Variants in MAST4 observed in about 807,000 individuals in gnomAD.
MAST4 encodes microtubule-associated serine/threonine-protein kinase 4.
MAST4 carries 89 observed loss-of-function variants against 162.7 expected under a neutral mutation model. The observed-to-expected ratio is 0.55, with a 90% CI of 0.46 to 0.65. The LOEUF (loss-of-function observed/expected upper bound fraction) is 0.65. MAST4 is among the 30% of genes least tolerant of loss of function. MAST4 has a pLI of 0.00. For missense variants in MAST4, 3,153 were observed against 3,374.0 expected, an observed-to-expected ratio of 0.93 and a Z score of 1.62; for synonymous variants, 1,479 against 1,361.1, an observed-to-expected ratio of 1.09 and a Z score of -1.91.
At chr5:66,706,279 T>G (rs1271334978) in intron 1 of MAST4, among the ~76,000 whole-genome samples, 1 of 152,164 alleles carries the variant, frequency 6.6e-6, no homozygotes, top group Non-Finnish European at 1.5e-5. Flanking sequence ...AATCCATGCA[T>G]TTGATGATGG....
Position 66,892,205 on chromosome 5 carries a change from C to T in MAST4, c.643-7746C>T, listed in dbSNP as rs553024201. Among the ~76,000 whole-genome samples, 15 of 152,266 alleles carry T rather than the reference C, an allele frequency of 9.9e-5. No individual in the cohort carries two copies. The South Asian group carries it at 1.7e-3, about 17-fold the overall frequency. ...GTCATTAGTTTAATTGGAGCTTATC[C>T]TTGAGATTGAAGGTAGTATCAGTTC... On this transcript the variant is annotated intron_variant, in intron 3 of 28. Coordinates refer to ENST00000403625, the MANE Select transcript of MAST4 (RefSeq NM_001164664.2).
intron 3 of MAST4, among the ~76,000 whole-genome samples, chr5:66,844,139 C>CTGTGTGTGTGTGTGTGTG (rs59568297): frequency 9.6e-6 from 1 of 104,510 alleles, no homozygotes; most frequent in African/African-American, 4.0e-5. Context: ...CCCAGTCAGC[C>CTGTGTGTGTGTGTGTGTG]TGTGTGTGTG....
At chr5:66,915,512 T>A (rs1034940549) in intron 4 of MAST4, among the ~76,000 whole-genome samples, 9 of 152,168 alleles carry the variant, frequency 5.9e-5, no homozygotes, top group Non-Finnish European at 1.2e-4. Flanking sequence ...TGGAAGAAAA[T>A]TTTAGCATTT....
intron 4 of MAST4, among the ~76,000 whole-genome samples, chr5:67,035,512 A>G (rs1755901585): frequency 6.6e-6 from 1 of 152,132 alleles, no homozygotes; most frequent in South Asian, 2.1e-4. Context: ...TGCTTGATGT[A>G]ACCTTTATGA....
At chr5:66,636,325 C>T (rs556782021) in intron 1 of MAST4, among the ~76,000 whole-genome samples, 1 of 152,194 alleles carries the variant, frequency 6.6e-6, no homozygotes, top group African/African-American at 2.4e-5. Flanking sequence ...CAGTTCCTCC[C>T]CGCGGTTATT....
At chr5:66,994,167 G>A (rs1581134749) in intron 4 of MAST4, among the ~76,000 whole-genome samples, 2 of 152,098 alleles carry the variant, frequency 1.3e-5, no homozygotes, top group Non-Finnish European at 2.9e-5. Flanking sequence ...ATCTACACAA[G>A]AGATCGTGGA....
chr5:66,847,277 C>G (rs998222201), intron 3 of MAST4, among the ~76,000 whole-genome samples: 1 of 152,136 alleles, frequency 6.6e-6, no homozygotes, highest in African/African-American at 2.4e-5. Flanking sequence ...AATTTCTGTC[C>G]CATTACTGGG....
chr5:66,948,979 A>G (rs1211970697), intron 4 of MAST4, among the ~76,000 whole-genome samples: 4 of 152,140 alleles, frequency 2.6e-5, no homozygotes, highest in Non-Finnish European at 5.9e-5. Context: ...AAAACATTGC[A>G]TAAAGTCAGA....
chr5:67,004,523 T>C (rs1175093534), intron 4 of MAST4: 1 of 157,874 alleles, frequency 6.3e-6, no homozygotes, highest in African/African-American at 2.4e-5. Flanking sequence ...CATGTTCGGA[T>C]GTGAATGGTT....
At chr5:67,023,249 T>G (rs1006777877) in intron 4 of MAST4, among the ~76,000 whole-genome samples, 31 of 152,308 alleles carry the variant, frequency 2.0e-4, no homozygotes, top group African/African-American at 6.7e-4. Flanking sequence ...AGCTATGACT[T>G]CAGTTTCTGG....
At chr5:66,740,767 T>C (rs1752439211) in intron 1 of MAST4, among the ~76,000 whole-genome samples, 1 of 152,190 alleles carries the variant, frequency 6.6e-6, no homozygotes, top group African/African-American at 2.4e-5. Flanking sequence ...GCTGTTGGTC[T>C]GTGGCTGGGT....
At chr5:66,684,610 T>A (rs1057245292) in intron 1 of MAST4, among the ~76,000 whole-genome samples, 4 of 152,216 alleles carry the variant, frequency 2.6e-5, no homozygotes, top group Admixed American at 1.3e-4. Context: ...GTTGAAAACC[T>A]GCCTAAAGGG....
chr5:66,663,471 T>C (rs1306381403), intron 1 of MAST4, among the ~76,000 whole-genome samples: 4 of 152,196 alleles, frequency 2.6e-5, no homozygotes, highest in African/African-American at 9.6e-5. Flanking sequence ...GAAGAGTTGC[T>C]GTCTTTTACT....
intron 1 of MAST4, among the ~76,000 whole-genome samples, chr5:66,726,701 G>A (rs1751542971): frequency 6.6e-6 from 1 of 152,096 alleles, no homozygotes; most frequent in Non-Finnish European, 1.5e-5. Flanking sequence ...CAGGAGGTAA[G>A]CGACGAGCAA....
At chr5:66,769,668 A>G (rs1382664666) in intron 2 of MAST4, among the ~76,000 whole-genome samples, 1 of 152,238 alleles carries the variant, frequency 6.6e-6, no homozygotes, top group Non-Finnish European at 1.5e-5. Flanking sequence ...CCTAACGTAG[A>G]AAAGGTCCAG....
At chr5:66,998,007 A>C (rs1750865424) in intron 4 of MAST4, among the ~76,000 whole-genome samples, 1 of 152,210 alleles carries the variant, frequency 6.6e-6, no homozygotes, top group South Asian at 2.1e-4. Flanking sequence ...CCTGTTTGGT[A>C]CTTTGATGAA....
rs752783675 is a variant in MAST4 at position 67,163,872 on chromosome 5, G to T, written c.4693G>T (p.Ala1565Ser). 5 of 1,613,876 alleles carry T rather than the reference G, an allele frequency of 3.1e-6. No homozygotes were observed. In the African/African-American group the frequency reaches 4.0e-5, roughly 13 times the overall value. The change falls in exon 29 of 29, where the codon GCT (alanine) becomes TCT (serine). Residue 1565 changes from alanine to serine, a missense_variant. By Grantham distance (99) the Ala-to-Ser change is moderately conservative (BLOSUM62 1). Transcript: ENST00000403625. This position sits in a 1 kb window ranked among gnomAD's most constrained non-coding sequence, Gnocchi z 7.0. ...ACCCGGGAGTGATTTGGAAAACTTT[G>T]CTCTGTTTAAGCTGGAAGAGAGAGA... ...HGPGSDLENFALFKLEEREKK... is the reference protein window; with the variant it reads ...HGPGSDLENFSLFKLEEREKK...
At chr5:66,660,353 A>T (rs1259258515) in intron 1 of MAST4, among the ~76,000 whole-genome samples, 1 of 151,776 alleles carries the variant, frequency 6.6e-6, no homozygotes, top group Non-Finnish European at 1.5e-5. Flanking sequence ...GCGCCATAGC[A>T]CTCCAGCCTG....
intron 3 of MAST4, among the ~76,000 whole-genome samples, chr5:66,852,436 G>A (rs1759381813): frequency 2.0e-5 from 3 of 152,116 alleles, no homozygotes; most frequent in Non-Finnish European, 1.5e-5. Flanking sequence ...ATGAGCCACC[G>A]TGCCTGGCCT....
Sources: gnomAD v4.1 joint callset for allele counts (sites outside exome capture counted in the v4.1 genomes callset) on GRCh38, gnomAD v4.1.1 for gene constraint, Gnocchi (gnomAD v3.1) non-coding constraint, MANE v1.5 for transcripts, NCBI Gene and HGNC (gene_info 2026-07-23, HGNC 2026-07-21) for gene names.